The following CTNNA3 variants were observed in gnomAD, a reference collection of about 807,000 sequenced individuals.
CTNNA3 encodes the protein catenin alpha 3.
In CTNNA3, 76 loss-of-function variants were observed where a neutral mutation model predicts 95.7. The observed-to-expected ratio is 0.79, with a 90% CI of 0.66 to 0.96. CTNNA3 has a LOEUF of 0.96. Ranked by LOEUF, CTNNA3 falls within the 40% of genes least tolerant of loss-of-function variation. The pLI is 0.00. For synonymous variants in CTNNA3, 431 were observed against 374.4 expected (o/e 1.15, Z -1.74); for missense variants, 1,191 against 1,089.8 (o/e 1.09, Z -1.31).
intron 11 of CTNNA3, among the ~76,000 whole-genome samples, chr10:66,497,067 C>G (rs1005995901): frequency 1.3e-5 from 2 of 151,932 alleles, no homozygotes; most frequent in African/African-American, 4.8e-5. Context: ...TCCTAATGAC[C>G]TCATTTTAAC....
intron 2 of CTNNA3, among the ~76,000 whole-genome samples, chr10:67,622,321 C>A (rs536471326): frequency 2.6e-5 from 4 of 152,168 alleles, no homozygotes; most frequent in Non-Finnish European, 5.9e-5. Flanking sequence ...CAATTATATC[C>A]TAAAGCTAAG....
chr10:66,135,521 C>T (rs1461217459), intron 13 of CTNNA3, among the ~76,000 whole-genome samples: 1 of 152,090 alleles, frequency 6.6e-6, no homozygotes, highest in Non-Finnish European at 1.5e-5. Context: ...AGAAAAATCA[C>T]AGCTAAAACA....
intron 7 of CTNNA3, among the ~76,000 whole-genome samples, chr10:66,893,899 A>G (rs190537324): frequency 4.6e-5 from 7 of 152,246 alleles, no homozygotes; most frequent in Admixed American, 4.6e-4. Context: ...ATAGCAGCAC[A>G]ATTTTTCTCA....
intron 17 of CTNNA3, among the ~76,000 whole-genome samples, chr10:65,935,661 A>G (rs1428153455): frequency 6.6e-6 from 1 of 152,144 alleles, no homozygotes; most frequent in African/African-American, 2.4e-5. Context: ...GTTCAGCGAA[A>G]TGGTTGTGTA....
intron 9 of CTNNA3, among the ~76,000 whole-genome samples, chr10:66,765,055 G>T (rs1458546586): frequency 1.3e-5 from 2 of 152,108 alleles, no homozygotes; most frequent in Non-Finnish European, 2.9e-5. Flanking sequence ...GAAATTCAAA[G>T]AAGATTTCAA....
intron 8 of CTNNA3, among the ~76,000 whole-genome samples, chr10:66,771,975 C>G (rs751088029): frequency 6.6e-6 from 1 of 152,092 alleles, no homozygotes; most frequent in African/African-American, 2.4e-5. Flanking sequence ...TTACACTACT[C>G]TGGAATTTAG....
At chr10:66,967,086 T>C (rs10997458) in intron 7 of CTNNA3, among the ~76,000 whole-genome samples, 35,227 of 151,962 alleles carry the variant, frequency 0.23, 4,660 homozygotes, top group Non-Finnish European at 0.31. Flanking sequence ...AGGTGATTAT[T>C]AACACTCCAT....
chr10:66,613,763 G>C (rs189157008), intron 10 of CTNNA3, among the ~76,000 whole-genome samples: 1 of 152,108 alleles, frequency 6.6e-6, no homozygotes, highest in Admixed American at 6.6e-5. Context: ...GCCATTCCCT[G>C]AAGTGAAAAG....
At chr10:67,479,315 C>T (rs1361663073) in intron 5 of CTNNA3, among the ~76,000 whole-genome samples, 1 of 152,130 alleles carries the variant, frequency 6.6e-6, no homozygotes, top group Non-Finnish European at 1.5e-5. Flanking sequence ...TTCACCTGTA[C>T]ATGGAACATA....
At chr10:66,448,132 A>T (rs1461450309) in intron 11 of CTNNA3, among the ~76,000 whole-genome samples, 1 of 152,160 alleles carries the variant, frequency 6.6e-6, no homozygotes, top group Non-Finnish European at 1.5e-5. Context: ...ATGAGATACC[A>T]TCTCACACCA....
intron 10 of CTNNA3, among the ~76,000 whole-genome samples, chr10:66,560,479 T>C (rs1460769393): frequency 6.6e-6 from 1 of 152,010 alleles, no homozygotes; most frequent in East Asian, 1.9e-4. Context: ...GTATGGTTAT[T>C]GCAGAAGGTG....
chr10:67,080,361 G>A (rs957796127), intron 7 of CTNNA3, among the ~76,000 whole-genome samples: 1 of 152,086 alleles, frequency 6.6e-6, no homozygotes, highest in East Asian at 1.9e-4. Context: ...CAAAACTACC[G>A]AAGTATGGGA....
intron 13 of CTNNA3, among the ~76,000 whole-genome samples, chr10:66,192,226 C>A (rs796489666): frequency 2.2e-4 from 33 of 149,990 alleles, no homozygotes; most frequent in African/African-American, 7.1e-4. Context: ...TTCACACACT[C>A]CCCCGCCAGC....
rs77145163 is a variant in CTNNA3 at position 65,924,060 on chromosome 10, T to C, written c.2401-3443A>G. Among the ~76,000 whole-genome samples the C allele has an allele frequency of 5.1e-3, 782 of 152,278 alleles. 6 individuals are homozygous for C. Among genetic ancestry groups the C allele is most frequent in the East Asian group, 0.023 (117 of 5,180 alleles). ...AAATGACCTATTATAAAAATATACA[T>C]ATTGGTAATAATCCTAATATTTAGC... On this transcript the variant is annotated intron_variant, in intron 17 of 17. Transcript: ENST00000433211.
chr10:67,682,594 T>C (rs1455483706), intron 1 of CTNNA3, among the ~76,000 whole-genome samples: 1 of 152,206 alleles, frequency 6.6e-6, no homozygotes, highest in Non-Finnish European at 1.5e-5. Flanking sequence ...TGATATGAAC[T>C]TCTTGAAGAG....
At chr10:66,975,457 A>G (rs1227636561) in intron 7 of CTNNA3, among the ~76,000 whole-genome samples, 1 of 152,178 alleles carries the variant, frequency 6.6e-6, no homozygotes, top group Non-Finnish European at 1.5e-5. Context: ...GTAAGTAAAA[A>G]TAAGTTGGAA....
intron 9 of CTNNA3, among the ~76,000 whole-genome samples, chr10:66,764,136 G>A (rs78168929): frequency 2.6e-5 from 4 of 152,186 alleles, no homozygotes; most frequent in Non-Finnish European, 4.4e-5. Flanking sequence ...CCCAAACCTC[G>A]TATAATCTCA....
chr10:66,719,532 C>A (rs1489713282), intron 9 of CTNNA3, among the ~76,000 whole-genome samples: 2 of 152,170 alleles, frequency 1.3e-5, no homozygotes, highest in African/African-American at 4.8e-5. Flanking sequence ...TACACAGTAT[C>A]CACTGTGTAG....
At chr10:67,622,715 G>T (rs1843886519) in intron 2 of CTNNA3, among the ~76,000 whole-genome samples, 1 of 152,062 alleles carries the variant, frequency 6.6e-6, no homozygotes, top group African/African-American at 2.4e-5. Flanking sequence ...TCCACTATTT[G>T]TGTCTTAAGA....
Sources: allele counts gnomAD v4.1 joint callset (sites outside exome capture counted in the v4.1 genomes callset), GRCh38; gene constraint gnomAD v4.1.1; transcripts MANE v1.5; gene names NCBI Gene and HGNC (gene_info 2026-07-23, HGNC 2026-07-21).